BABAM2: variants seen among roughly 807,000 people sequenced by gnomAD.
The protein encoded by BABAM2 is BRISC and BRCA1-A complex member 2.
In BABAM2, 31 loss-of-function variants were observed where a neutral mutation model predicts 54.7. The ratio of observed to expected loss-of-function variants is 0.57; its 90% CI spans 0.43 to 0.77. The LOEUF is 0.77. Among genes scored for constraint, BABAM2 ranks in the 30% least tolerant of loss-of-function variants. The pLI, the probability that BABAM2 is intolerant of heterozygous loss-of-function variation, is 0.00. For missense variants in BABAM2, 364 were observed against 455.8 expected (o/e 0.80, Z 1.83); for synonymous variants, 167 against 162.9 (o/e 1.03, Z -0.19).
chr2:28,263,594 G>A (rs763391438), intron 10 of BABAM2, among the ~76,000 whole-genome samples: 2 of 152,188 alleles, frequency 1.3e-5, no homozygotes, highest in East Asian at 3.9e-4. Flanking sequence ...CATTTTCCTC[G>A]AGTGCCATAA....
intron 7 of BABAM2, among the ~76,000 whole-genome samples, chr2:28,160,273 G>C (rs1380469434): frequency 6.6e-6 from 1 of 152,160 alleles, no homozygotes; most frequent in Non-Finnish European, 1.5e-5. Context: ...TAGCCACTGC[G>C]CCTGGCCATG....
intron 4 of BABAM2, among the ~76,000 whole-genome samples, chr2:27,994,681 C>T (rs375939053): frequency 4.6e-5 from 7 of 152,244 alleles, no homozygotes; most frequent in African/African-American, 7.2e-5. Flanking sequence ...GAGCATACCA[C>T]AGTTTATCCA....
chr2:28,010,394 C>A (rs948485594), intron 4 of BABAM2, among the ~76,000 whole-genome samples: 1 of 151,756 alleles, frequency 6.6e-6, no homozygotes, highest in African/African-American at 2.4e-5. Flanking sequence ...TAGATTAATC[C>A]TCTATGTAGA....
intron 11 of BABAM2, among the ~76,000 whole-genome samples, chr2:28,333,090 C>T (rs140132752): frequency 5.3e-5 from 8 of 152,168 alleles, no homozygotes; most frequent in Non-Finnish European, 7.4e-5. Context: ...CCCTTGGCCC[C>T]AGCGGGTACC....
At chr2:27,994,052 G>A (rs777355990) in intron 4 of BABAM2, among the ~76,000 whole-genome samples, 2 of 152,174 alleles carry the variant, frequency 1.3e-5, no homozygotes. Flanking sequence ...AAAATAGAAT[G>A]TTCTCTCATT....
intron 11 of BABAM2, among the ~76,000 whole-genome samples, chr2:28,305,424 A>G (rs1688439943): frequency 6.6e-6 from 1 of 152,136 alleles, no homozygotes; most frequent in Non-Finnish European, 1.5e-5. Context: ...GTTTTATATT[A>G]TTAAATTTGA....
At chr2:28,026,801 A>AT (rs1491267438) in intron 5 of BABAM2, among the ~76,000 whole-genome samples, 3,831 of 60,102 alleles carry the variant, frequency 0.064, 308 homozygotes, top group African/African-American at 0.12. Flanking sequence ...ATATTTATAT[A>AT]AAAAATATAT....
At chr2:28,273,246 T>C (rs533403973) in intron 10 of BABAM2, among the ~76,000 whole-genome samples, 2 of 152,318 alleles carry the variant, frequency 1.3e-5, no homozygotes, top group East Asian at 3.9e-4. Context: ...GGTACCACAT[T>C]GTACAGTGCA....
chr2:28,066,606 A>C (rs1195415906), intron 6 of BABAM2, among the ~76,000 whole-genome samples: 1 of 152,208 alleles, frequency 6.6e-6, no homozygotes, highest in Non-Finnish European at 1.5e-5. Context: ...TAGCCATCTG[A>C]AAGATGAACT....
chr2:28,221,611 C>T (rs1259747307), intron 7 of BABAM2, among the ~76,000 whole-genome samples: 1 of 152,194 alleles, frequency 6.6e-6, no homozygotes, highest in Admixed American at 6.5e-5. Context: ...CTGAAGGCTG[C>T]TATCTTCCTG....
chr2:28,045,741 C>T lies in BABAM2; in HGVS notation c.512C>T (p.Ala171Val). The T allele has an allele frequency of 1.9e-6, 3 of 1,611,008 alleles. No homozygotes were observed. Among genetic ancestry groups the T allele is most frequent in the Non-Finnish European group, 1.7e-6 (2 of 1,177,982 alleles). The change falls in exon 6 of 12, where the codon GCT (alanine) becomes GTT (valine). Residue 171 changes from alanine to valine, a missense_variant. Ala to Val is a moderately conservative substitution (Grantham distance 64). Transcript: ENST00000379624. ...KKNNWTGEFS[A>V]RFLLKLPVDF... ...TTTTTACAGACTGGTGAATTTTCAG[C>T]TCGTTTCCTTTTGAAGCTGCCCGTA...
chr2:28,321,684 G>A (rs1421310938), intron 11 of BABAM2, among the ~76,000 whole-genome samples: 1 of 152,106 alleles, frequency 6.6e-6, no homozygotes, highest in Non-Finnish European at 1.5e-5. Context: ...AGGGAGGGCC[G>A]GTGTCTTTTC....
chr2:28,115,696 G>GT (rs1668554633), intron 6 of BABAM2, among the ~76,000 whole-genome samples: 1 of 152,004 alleles, frequency 6.6e-6, no homozygotes. Flanking sequence ...GAGATTTGGG[G>GT]TTGGGGGATG....
chr2:28,307,430 T>G (rs1164762065), intron 11 of BABAM2, among the ~76,000 whole-genome samples: 4 of 151,868 alleles, frequency 2.6e-5, no homozygotes, highest in Admixed American at 6.6e-5. Context: ...CTTTGTCCTT[T>G]TCTTCCTGTA....
chr2:28,018,413 T>C (rs1675004650), intron 4 of BABAM2, among the ~76,000 whole-genome samples: 1 of 152,214 alleles, frequency 6.6e-6, no homozygotes, highest in African/African-American at 2.4e-5. Context: ...GATTGATGAA[T>C]ATTTGGGCTG....
chr2:28,082,448 C>G lies in BABAM2; in HGVS notation c.570+36649C>G, dbSNP rs115683885. Among the ~76,000 whole-genome samples, 716 of 152,266 alleles carry G rather than the reference C, an allele frequency of 4.7e-3. 11 individuals carry two copies. The highest frequency in any genetic ancestry group is 0.016 in the African/African-American group (665 of 41,544). On this transcript the variant is annotated intron_variant, in intron 6 of 11. Transcript: ENST00000379624. ...TATCAGTTACCCTTGAGTTCCAGTC[C>G]CAGTTTTGTCACTGACTCTGACCTT...
chr2:28,254,507 C>T (rs1460413896), intron 10 of BABAM2, among the ~76,000 whole-genome samples: 1 of 146,722 alleles, frequency 6.8e-6, no homozygotes, highest in African/African-American at 2.5e-5. Flanking sequence ...TCCTGAGAAC[C>T]TGTTAATTAA....
intron 6 of BABAM2, among the ~76,000 whole-genome samples, chr2:28,128,712 A>C (rs1401336526): frequency 6.6e-6 from 1 of 152,198 alleles, no homozygotes; most frequent in Admixed American, 6.5e-5. Context: ...GACTTTTAAG[A>C]TATGTATGTC....
At chr2:28,175,456 C>T (rs1294568035) in intron 7 of BABAM2, among the ~76,000 whole-genome samples, 4 of 152,184 alleles carry the variant, frequency 2.6e-5, no homozygotes, top group African/African-American at 7.2e-5. Flanking sequence ...CCAGTGTCTT[C>T]GGGATTATCC....
Sources: allele counts gnomAD v4.1 joint callset (sites outside exome capture counted in the v4.1 genomes callset), GRCh38; gene constraint gnomAD v4.1.1; transcripts MANE v1.5; gene names NCBI Gene and HGNC (gene_info 2026-07-23, HGNC 2026-07-21).